CPM: variants seen among roughly 807,000 people sequenced by gnomAD.
The protein encoded by CPM is renal carboxypeptidase.
CPM carries 35 observed loss-of-function variants against 46.4 expected under a neutral mutation model. That is an observed-to-expected ratio of 0.75 (90% confidence interval 0.58 to 1.00). The LOEUF (loss-of-function observed/expected upper bound fraction) is 1.00, where lower values mean the gene tolerates loss of function less well. CPM is among the 50% of genes least tolerant of loss of function. The pLI is 0.00. For synonymous variants in CPM, 195 were observed against 195.3 expected, an observed-to-expected ratio of 1.00 and a Z score of 0.01; for missense variants, 422 against 530.4, an observed-to-expected ratio of 0.80 and a Z score of 2.01.
At chr12:68,913,765 A>G in intron 2 of CPM, 1 of 506,412 alleles carries the variant, frequency 2.0e-6, no homozygotes, top group South Asian at 1.6e-5. Context: ...CTTTATTCCT[A>G]TAAAATCCCA....
chr12:68,844,778 AT>A, intron 5 of CPM: 2 of 201,768 alleles, frequency 9.9e-6, no homozygotes, highest in African/African-American at 2.3e-5. Context: ...ATTTTTATTT[AT>A]TTTTTGAGAC....
intron 2 of CPM, among the ~76,000 whole-genome samples, chr12:68,931,992 G>A (rs1888531681): frequency 6.6e-6 from 1 of 151,918 alleles, no homozygotes; most frequent in Admixed American, 6.6e-5. Context: ...GAAAATGCTG[G>A]GAAGAGTTTC....
At chr12:68,962,666 G>T (rs76585786) in intron 1 of CPM, among the ~76,000 whole-genome samples, 3,922 of 152,256 alleles carry the variant, frequency 0.026, 177 homozygotes, top group African/African-American at 0.089. Flanking sequence ...ATGATGGGAA[G>T]GGGGAGCCAG....
intron 5 of CPM, chr12:68,844,639 A>G: frequency 4.4e-6 from 1 of 226,774 alleles, no homozygotes; most frequent in Non-Finnish European, 8.8e-6. Context: ...GCACAAATGT[A>G]AGTACATCAG....
intron 1 of CPM, among the ~76,000 whole-genome samples, chr12:68,944,838 G>A (rs1888820483): frequency 6.6e-6 from 1 of 152,034 alleles, no homozygotes; most frequent in African/African-American, 2.4e-5. Context: ...ATAGTTTGGT[G>A]GGCGGGGACT....
Position 68,858,926 on chromosome 12 carries a change from T to C in CPM, c.1086A>G (p.Ile362Met), listed in dbSNP as rs1184397493. ...ATAACTAGCATTGCATACTTACATT[T>C]ATTATATAAGACCCAGGCAAGAGAA... The part of the protein sequence containing the change: ...YLLLLPGSYI[I>M]NVTVPGHDPH... Residue 362 changes from isoleucine (I) to methionine (M), a missense_variant, in exon 8 of 9, where the codon ATA becomes ATG. Coordinates refer to ENST00000551568, the MANE Select transcript of CPM (RefSeq NM_198320.5). 4.8e-6 allele frequency: 7 copies of C among 1,471,228 alleles called. No individual in the cohort carries two copies. The highest frequency in any genetic ancestry group is 2.9e-5 in the African/African-American group (2 of 68,822). The allele number at this position is 1,471,228 out of a possible 1,614,324, so 91.1% of individuals were successfully genotyped here.
chr12:68,846,195 C>A (rs145027756), downstream of CPM: 1 of 151,986 alleles, frequency 6.6e-6, no homozygotes, highest in African/African-American at 2.4e-5. Flanking sequence ...CCTCATGATC[C>A]GCCCACCTCG....
chr12:68,887,774 T>C (rs976511470), intron 2 of CPM, among the ~76,000 whole-genome samples: 2 of 152,194 alleles, frequency 1.3e-5, no homozygotes, highest in African/African-American at 2.4e-5. Context: ...TGTACTGTTG[T>C]GGGCATAGAA....
rs1343010747 is a variant in CPM, at chr12:68,924,108, G to A, written c.160+8570C>T. Among the ~76,000 whole-genome samples the A allele has an allele frequency of 3.4e-5, 5 of 145,944 alleles. No individual in the cohort carries two copies. The East Asian group carries it at 8.0e-4, about 23-fold the overall frequency. The stretch of plus-strand genomic sequence containing the variant: ...GAGGATCACTTGAGCTCAGGAGTTC[G>A]AGACCAGCCTGGGCTACATAGTGAG... On this transcript the variant is annotated intron_variant, in intron 2 of 8. Transcript: ENST00000551568.
At chr12:68,872,963 C>T (rs1310258444) in intron 3 of CPM, among the ~76,000 whole-genome samples, 3 of 151,896 alleles carry the variant, frequency 2.0e-5, no homozygotes. Flanking sequence ...CTTTATAATC[C>T]CTCCCCAGGA....
At chr12:68,910,360 A>G (rs1887543967) in intron 2 of CPM, among the ~76,000 whole-genome samples, 1 of 152,244 alleles carries the variant, frequency 6.6e-6, no homozygotes, top group Non-Finnish European at 1.5e-5. Flanking sequence ...AGTGTTACTC[A>G]TAAGACAAAA....
At position 68,856,698 on chromosome 12, in the gene CPM, C is replaced by T; in HGVS notation, c.1090-19G>A. 6.2e-7 allele frequency: 1 copy of T among 1,611,174 alleles called. No homozygotes were observed. Reference sequence around the variant, plus strand: ...CTGTAACCTGAGAAGAAACAAGAGACAATTATATGAGTGACTTAAGATGGT... The same window carrying T: ...CTGTAACCTGAGAAGAAACAAGAGATAATTATATGAGTGACTTAAGATGGT... On this transcript the variant is annotated intron_variant, in intron 8 of 8. Transcript: ENST00000551568.
At chr12:68,863,369 G>A (rs1284971254) in intron 7 of CPM, among the ~76,000 whole-genome samples, 1 of 152,168 alleles carries the variant, frequency 6.6e-6, no homozygotes, top group Non-Finnish European at 1.5e-5. Flanking sequence ...ACCGGGACAA[G>A]CAAGACATTT....
chr12:68,861,034 C>G (rs1021908615), intron 7 of CPM, among the ~76,000 whole-genome samples: 2 of 151,892 alleles, frequency 1.3e-5, no homozygotes, highest in Admixed American at 1.3e-4. Flanking sequence ...GCACACACCA[C>G]CACACCTGGC....
At chr12:68,850,596 G>A (rs1297259676), downstream of CPM, 1 of 152,148 alleles carries the variant, frequency 6.6e-6, no homozygotes, top group Admixed American at 6.6e-5. Context: ...TAGTTTTCCA[G>A]TTCCTACTGG....
At chr12:68,847,901 A>T (rs1291827012), downstream of CPM, 1 of 152,290 alleles carries the variant, frequency 6.6e-6, no homozygotes, top group African/African-American at 2.4e-5. Context: ...TCTGTGACTC[A>T]CGCCTGTAAT....
chr12:68,923,843 G>A lies in CPM; in HGVS notation c.160+8835C>T, dbSNP rs140051487. On this transcript the variant is annotated intron_variant, in intron 2 of 8. Coordinates refer to ENST00000551568, the MANE Select transcript of CPM (RefSeq NM_198320.5). ...TGAATATGAAATATCTCTCAGTCAC[G>A]TTAAGAGCAAAACAAAATATAATTT... is the stretch of plus-strand genomic sequence containing the variant. 5.3e-4 allele frequency among the ~76,000 whole-genome samples: 80 copies of A among 152,208 alleles called. 2 individuals are homozygous for A. In the East Asian group the frequency reaches 0.013, roughly 24 times the overall value.
chr12:68,923,525 T>C (rs1440982460), intron 2 of CPM, among the ~76,000 whole-genome samples: 2 of 152,210 alleles, frequency 1.3e-5, no homozygotes, highest in African/African-American at 4.8e-5. Context: ...AGATGATGCC[T>C]CTTGCTTTCA....
At chr12:68,892,131 C>T (rs547193343) in intron 2 of CPM, among the ~76,000 whole-genome samples, 124 of 152,310 alleles carry the variant, frequency 8.1e-4, no homozygotes, top group African/African-American at 2.9e-3. Flanking sequence ...GTAGTCTATC[C>T]GTGGAGTCCC....
Sources: allele counts gnomAD v4.1 joint callset (sites outside exome capture counted in the v4.1 genomes callset), GRCh38; gene constraint gnomAD v4.1.1; transcripts MANE v1.5; gene names NCBI Gene and HGNC (gene_info 2026-07-23, HGNC 2026-07-21).